Variants in PBX1 observed in about 807,000 individuals in gnomAD.
PBX1 encodes the protein PBX homeobox 1.
PBX1 carries 6 observed loss-of-function variants against 53.4 expected under a neutral mutation model. That is an observed-to-expected ratio of 0.11 (90% CI 0.06 to 0.22). The LOEUF (loss-of-function observed/expected upper bound fraction) is 0.22. Ranked by LOEUF, PBX1 falls within the 10% of genes least tolerant of loss-of-function variation. The pLI is 1.00. For missense variants in PBX1, 251 were observed against 551.4 expected (o/e 0.46, Z 5.46); for synonymous variants, 204 against 212.3 (o/e 0.96, Z 0.34).
At chr1:164,734,188 A>C (rs1054495348) in intron 2 of PBX1, among the ~76,000 whole-genome samples, 1 of 152,168 alleles carries the variant, frequency 6.6e-6, no homozygotes, top group Non-Finnish European at 1.5e-5. Flanking sequence ...TGTACTTTGG[A>C]GTTATCTCCT....
intron 2 of PBX1, among the ~76,000 whole-genome samples, chr1:164,715,792 C>G (rs1025005420): frequency 6.6e-6 from 1 of 152,164 alleles, no homozygotes; most frequent in Non-Finnish European, 1.5e-5. Context: ...CCGGGATAAA[C>G]TCTTCCTCTC....
downstream of PBX1, among the ~76,000 whole-genome samples, chr1:164,853,047 C>T (rs140068488): frequency 8.5e-5 from 13 of 152,324 alleles, no homozygotes; most frequent in East Asian, 2.3e-3. Flanking sequence ...AGCTATTTCT[C>T]ACTTACGGTA....
chr1:164,877,227 T>C (rs557769624), intron 2 of PBX1, among the ~76,000 whole-genome samples: 1 of 150,296 alleles, frequency 6.7e-6, no homozygotes, highest in Non-Finnish European at 1.5e-5. Context: ...ATCCTCCTTA[T>C]ACCTGAGGAT....
intron 2 of PBX1, among the ~76,000 whole-genome samples, chr1:164,668,374 TAG>T (rs1339033474): frequency 6.2e-4 from 94 of 152,330 alleles, no homozygotes; most frequent in African/African-American, 2.1e-3. Flanking sequence ...TTTACTCCTG[TAG>T]CAAAAGTTGG....
chr1:164,579,634 G>A (rs765731389), intron 2 of PBX1, among the ~76,000 whole-genome samples: 108 of 152,154 alleles, frequency 7.1e-4, no homozygotes, highest in Non-Finnish European at 1.3e-3. Flanking sequence ...GCTGTCAGTC[G>A]AAGAAGGGAA....
intron 2 of PBX1, among the ~76,000 whole-genome samples, chr1:164,731,483 C>T (rs1269025404): frequency 6.6e-6 from 1 of 152,166 alleles, no homozygotes; most frequent in Non-Finnish European, 1.5e-5. Context: ...CATATTGTGG[C>T]AGCAGGGCTG....
intron 2 of PBX1, among the ~76,000 whole-genome samples, chr1:164,712,425 A>G (rs1571269199): frequency 6.6e-6 from 1 of 152,358 alleles, no homozygotes; most frequent in East Asian, 1.9e-4. Flanking sequence ...CGACTGGCTG[A>G]TAACAGGCTG....
intron 4 of PBX1, among the ~76,000 whole-genome samples, chr1:164,806,299 T>TA (rs1019511628): frequency 1.3e-5 from 2 of 151,908 alleles, no homozygotes; most frequent in East Asian, 1.9e-4. Context: ...ATGCTTTTAT[T>TA]AAAAAAAAGT....
chr1:164,596,098 CTCT>C (rs1655737027), intron 2 of PBX1, among the ~76,000 whole-genome samples: 1 of 29,160 alleles, frequency 3.4e-5, no homozygotes, highest in African/African-American at 1.3e-4. Flanking sequence ...TGCAGGTCCC[CTCT>C]TTTTTTTTTT....
At chr1:164,780,530 ACT>A (rs1041573173) in intron 2 of PBX1, among the ~76,000 whole-genome samples, 15 of 152,082 alleles carry the variant, frequency 9.9e-5, no homozygotes, top group African/African-American at 3.1e-4. Flanking sequence ...AGCCCCTTAG[ACT>A]CTGTTGAGAA....
At position 164,681,271 on chromosome 1, in the gene PBX1, G is replaced by A. The variant is rs961228165; in HGVS notation, c.266-111223G>A. On this transcript the variant is annotated intron_variant, in intron 2 of 8. Transcript: ENST00000420696. ...CAACCTAAGAACTAGATAAAAGAAA[G>A]CCGATTTTACTTTTTTCCTTTGTGC... Among the ~76,000 whole-genome samples the A allele has an allele frequency of 3.9e-5, 6 of 152,128 alleles. No individual in the cohort carries two copies. The East Asian group carries it at 1.2e-3, about 29-fold the overall frequency.
At chr1:164,707,456 A>AGAGAGAG (rs1663501898) in intron 2 of PBX1, among the ~76,000 whole-genome samples, 6 of 133,430 alleles carry the variant, frequency 4.5e-5, no homozygotes, top group South Asian at 2.5e-4. Flanking sequence ...AGAGAGAGAG[A>AGAGAGAG]AAGTGCTGAA....
intron 2 of PBX1, among the ~76,000 whole-genome samples, chr1:164,707,446 AG>A (rs1663498540): frequency 6.6e-6 from 1 of 150,930 alleles, no homozygotes; most frequent in Non-Finnish European, 1.5e-5. Context: ...AGAGAGAGAG[AG>A]AGAGAGAGAA....
rs1022507542 is a variant in PBX1 at position 164,730,224 on chromosome 1, C to T, written c.266-62270C>T. 2.0e-5 allele frequency among the ~76,000 whole-genome samples: 3 copies of T among 152,182 alleles called. No homozygotes were observed. In the East Asian group the frequency reaches 5.8e-4, roughly 29 times the overall value. ...CCTATTCCAAGAATACAGCCATCAA[C>T]AGTTAGTCCCAGAGTTGGTGGCATT... On this transcript the variant is annotated intron_variant, in intron 2 of 8. Coordinates refer to ENST00000420696, the MANE Select transcript of PBX1 (RefSeq NM_002585.4).
chr1:164,633,303 C>A (rs1316837503), intron 2 of PBX1, among the ~76,000 whole-genome samples: 3 of 152,068 alleles, frequency 2.0e-5, no homozygotes, highest in Non-Finnish European at 2.9e-5. Flanking sequence ...GTGTGCGTCA[C>A]CATGCCCGGC....
intron 2 of PBX1, among the ~76,000 whole-genome samples, chr1:164,756,913 G>A (rs532638555): frequency 2.3e-3 from 356 of 152,344 alleles, no homozygotes; most frequent in Non-Finnish European, 4.2e-3. Flanking sequence ...AGAAAAAAAT[G>A]TATTTATGAA....
intron 6 of PBX1, chr1:164,813,525 A>G (rs1046054585): frequency 3.9e-5 from 6 of 152,208 alleles, no homozygotes; most frequent in African/African-American, 1.4e-4. Flanking sequence ...CATCTGGTCA[A>G]TTATTAAGAA....
At chr1:164,757,859 C>G (rs1466570158) in intron 2 of PBX1, among the ~76,000 whole-genome samples, 1 of 152,166 alleles carries the variant, frequency 6.6e-6, no homozygotes, top group Non-Finnish European at 1.5e-5. Context: ...ATGTTCTCAT[C>G]TTTGGTGGGC....
At chr1:164,653,860 T>C (rs914064993) in intron 2 of PBX1, among the ~76,000 whole-genome samples, 4 of 152,154 alleles carry the variant, frequency 2.6e-5, no homozygotes, top group African/African-American at 9.7e-5. Flanking sequence ...ACTTACTTGT[T>C]TCTTTGCTTG....
Sources: gnomAD v4.1 joint callset for allele counts (sites outside exome capture counted in the v4.1 genomes callset) on GRCh38, gnomAD v4.1.1 for gene constraint, MANE v1.5 for transcripts, NCBI Gene and HGNC (gene_info 2026-07-23, HGNC 2026-07-21) for gene names.